The following TES variants were observed in gnomAD, a reference collection of about 807,000 sequenced individuals.
TES encodes the protein testin.
In TES, 41 loss-of-function variants were observed where a neutral mutation model predicts 48.2. That is an observed-to-expected ratio of 0.85 (90% CI 0.66 to 1.10). The LOEUF (loss-of-function observed/expected upper bound fraction) is 1.10, where lower values mean the gene tolerates loss of function less well. Ranked by LOEUF, TES falls within the 50% of genes least tolerant of loss-of-function variation. The pLI, the probability that TES is intolerant of heterozygous loss-of-function variation, is 0.00. For missense variants in TES, 463 were observed against 515.1 expected, an observed-to-expected ratio of 0.90 and a Z score of 0.98; for synonymous variants, 162 against 174.9, an observed-to-expected ratio of 0.93 and a Z score of 0.58.
chr7:116,213,462 A>G (rs1352984730), intron 1 of TES, among the ~76,000 whole-genome samples: 1 of 152,206 alleles, frequency 6.6e-6, no homozygotes, highest in Non-Finnish European at 1.5e-5. Flanking sequence ...ATTGTTCCAC[A>G]TTAACATTTC....
At chr7:116,230,127 TTTTG>T (rs1415270483) in intron 1 of TES, among the ~76,000 whole-genome samples, 2 of 152,156 alleles carry the variant, frequency 1.3e-5, no homozygotes, top group African/African-American at 4.8e-5. Flanking sequence ...TTGGTGTCAT[TTTTG>T]TTTGTGTTTG....
intron 1 of TES, among the ~76,000 whole-genome samples, chr7:116,231,480 A>T (rs543231596): frequency 7.1e-6 from 1 of 140,968 alleles, no homozygotes; most frequent in East Asian, 2.4e-4. Flanking sequence ...ACTTGGTTTT[A>T]TACATATTAC....
chr7:116,243,983 A>AGAACT (rs1335477501), intron 2 of TES: 1 of 152,194 alleles, frequency 6.6e-6, no homozygotes, highest in Middle Eastern at 3.2e-3. Context: ...AGCTCTCATG[A>AGAACT]GAACTCACTC....
chr7:116,242,313 A>G (rs189699429), intron 2 of TES, among the ~76,000 whole-genome samples: 2 of 152,326 alleles, frequency 1.3e-5, no homozygotes, highest in East Asian at 3.9e-4. Context: ...TTTGTTAACC[A>G]AAGAGTAAAA....
intron 2 of TES, among the ~76,000 whole-genome samples, chr7:116,247,774 T>G (rs907759107): frequency 4.6e-5 from 7 of 152,308 alleles, no homozygotes; most frequent in African/African-American, 1.7e-4. Flanking sequence ...CAAAAATACA[T>G]TATTAGTGAC....
intron 1 of TES, among the ~76,000 whole-genome samples, chr7:116,218,676 T>C (rs567003156): frequency 1.3e-5 from 2 of 149,152 alleles, no homozygotes; most frequent in East Asian, 4.0e-4. Context: ...TTGAGCAAAA[T>C]ACCGATGTCA....
At chr7:116,226,962 A>G (rs1412359704) in intron 1 of TES, among the ~76,000 whole-genome samples, 1 of 152,224 alleles carries the variant, frequency 6.6e-6, no homozygotes, top group Non-Finnish European at 1.5e-5. Context: ...TTTATTAAGA[A>G]TGACTAATTG....
At position 116,249,033 on chromosome 7, in the gene TES, A is replaced by G; in HGVS notation, c.127A>G (p.Asn43Asp). The part of the protein sequence containing the change: ...ELHFWRKICR[N>D]CKCGQEEHDV... ...TCAAAATTATAGAAAAATATGTCGT[A>G]ACTGCAAGTGTGGCCAAGAAGAGCA... The change falls in exon 3 of 7, where the codon AAC becomes GAC. Residue 43 changes from asparagine to aspartate, a missense_variant. Asn to Asp is a conservative substitution (Grantham distance 23). Transcript: ENST00000358204. 6.3e-7 allele frequency: 1 copy of G among 1,588,058 alleles called. No individual in the cohort carries two copies. The highest frequency in any genetic ancestry group is 8.6e-7 in the Non-Finnish European group (1 of 1,167,736).
chr7:116,253,154 T>C (rs1396270314), intron 6 of TES, among the ~76,000 whole-genome samples: 1 of 152,240 alleles, frequency 6.6e-6, no homozygotes, highest in Non-Finnish European at 1.5e-5. Context: ...TTTACTTCTT[T>C]ATATGCAGCA....
At chr7:116,219,701 G>A (rs961827176) in intron 1 of TES, among the ~76,000 whole-genome samples, 9 of 152,240 alleles carry the variant, frequency 5.9e-5, no homozygotes, top group Admixed American at 5.2e-4. Context: ...ATACTATTAC[G>A]TGGGAATGAA....
At chr7:116,227,773 G>C (rs1799642513) in intron 1 of TES, among the ~76,000 whole-genome samples, 1 of 152,128 alleles carries the variant, frequency 6.6e-6, no homozygotes, top group Non-Finnish European at 1.5e-5. Flanking sequence ...GAGTGGGAGA[G>C]AGAGATGTAT....
chr7:116,231,188 G>A (rs1799695573), intron 1 of TES, among the ~76,000 whole-genome samples: 1 of 152,054 alleles, frequency 6.6e-6, no homozygotes, highest in Non-Finnish European at 1.5e-5. Flanking sequence ...CCTCCTCTCT[G>A]GATTCTATTT....
intron 1 of TES, among the ~76,000 whole-genome samples, chr7:116,219,659 A>G (rs547342896): frequency 6.6e-6 from 1 of 152,272 alleles, no homozygotes; most frequent in East Asian, 1.9e-4. Context: ...CAGTCTAGCA[A>G]CTATGAGGCT....
At chr7:116,244,442 C>T (rs916914173) in intron 2 of TES, among the ~76,000 whole-genome samples, 11 of 152,326 alleles carry the variant, frequency 7.2e-5, no homozygotes, top group Admixed American at 2.0e-4. Flanking sequence ...AGTCATTAAA[C>T]GTTAAAATTC....
intron 6 of TES, 34 bp downstream of exon 6, chr7:116,252,510 C>G (rs1463048149): frequency 6.2e-7 from 1 of 1,614,080 alleles, no homozygotes; most frequent in African/African-American, 1.3e-5. Flanking sequence ...GTTGCCTCAG[C>G]CTGCTTTAGG....
At position 116,247,656 on chromosome 7, in the gene TES, G is replaced by A. The variant is rs984412427; in HGVS notation, c.114-1364G>A. 1.1e-4 allele frequency among the ~76,000 whole-genome samples: 16 copies of A among 152,228 alleles called. No individual in the cohort carries two copies. In the South Asian group the frequency reaches 1.2e-3, roughly 12 times the overall value. ...TCGTTATCATATCAGAAATGCAGAT[G>A]CACGTTTGGTTGACAAAACACACTG... On this transcript the variant is annotated intron_variant, in intron 2 of 6. Coordinates refer to ENST00000358204, the MANE Select transcript of TES (RefSeq NM_015641.4).
Position 116,218,186 on chromosome 7 carries a change from C to G in TES, c.27+7452C>G, listed in dbSNP as rs530204971. ...TTAATCTGAAATGCTGAATTATCCT[C>G]AAACCATGAGTGATTCAGCTTGTGT... On this transcript the variant is annotated intron_variant, in intron 1 of 6. Coordinates refer to ENST00000358204, the MANE Select transcript of TES (RefSeq NM_015641.4). Among the ~76,000 whole-genome samples, 3 of 152,232 alleles carry G rather than the reference C, an allele frequency of 2.0e-5. No individual in the cohort carries two copies. In the South Asian group the frequency reaches 6.2e-4, roughly 32 times the overall value.
At chr7:116,242,456 A>G (rs991611175) in intron 2 of TES, among the ~76,000 whole-genome samples, 6 of 152,090 alleles carry the variant, frequency 3.9e-5, no homozygotes, top group African/African-American at 4.8e-5. Context: ...TTACCAAATA[A>G]AGATTTCTGA....
chr7:116,249,416 G>C (rs947117717), intron 3 of TES, 144 bp downstream of exon 3: 2 of 984,446 alleles, frequency 2.0e-6, no homozygotes, highest in African/African-American at 3.3e-5. Flanking sequence ...TCTGATTCCT[G>C]TTCTAGTCTT....
Sources: gnomAD v4.1 joint callset for allele counts (sites outside exome capture counted in the v4.1 genomes callset) on GRCh38, gnomAD v4.1.1 for gene constraint, MANE v1.5 for transcripts, NCBI Gene and HGNC (gene_info 2026-07-23, HGNC 2026-07-21) for gene names.